The following LPL variants were observed in gnomAD, a reference collection of about 807,000 sequenced individuals.
LPL encodes the protein lipoprotein lipase.
A neutral mutation model predicts 52.2 loss-of-function variants in LPL; 43 were observed. That is an observed-to-expected ratio of 0.82 (90% confidence interval 0.64 to 1.06). LPL has a LOEUF of 1.06. Among genes scored for constraint, LPL ranks in the 50% least tolerant of loss-of-function variants. The probability of loss-of-function intolerance (pLI) is 0.00; values close to 1 mark genes in which losing one functional copy is unlikely to be tolerated. For synonymous variants in LPL, 244 were observed against 215.6 expected (o/e 1.13, Z -1.15); for missense variants, 639 against 585.3 (o/e 1.09, Z -0.95).
At chr8:19,963,621 C>T (rs1307281682) in intron 9 of LPL, among the ~76,000 whole-genome samples, 1 of 151,914 alleles carries the variant, frequency 6.6e-6, no homozygotes, top group Non-Finnish European at 1.5e-5. Flanking sequence ...CCCCAATTAA[C>T]GTTTTTATTT....
intron 4 of LPL, 87 bp downstream of exon 4, chr8:19,953,508 C>G: frequency 1.1e-6 from 1 of 930,220 alleles, no homozygotes; most frequent in East Asian, 2.5e-5. Flanking sequence ...TGTTAAATAC[C>G]CACATGTGTG....
At chr8:19,962,245 T>C (rs1363198842) in intron 9 of LPL, 26 bp downstream of exon 9, 1 of 1,577,570 alleles carries the variant, frequency 6.3e-7, no homozygotes, top group Admixed American at 1.7e-5. Flanking sequence ...TAAAGCTGAC[T>C]GGGCATCCTG....
rs781159405 is a variant in LPL, at chr8:19,951,824, G to A, written c.305G>A (p.Arg102Lys). 4 of 1,614,170 alleles carry A rather than the reference G, an allele frequency of 2.5e-6. No homozygotes were observed. The South Asian group carries it at 4.4e-5, about 18-fold the overall frequency. ...AAACTTGTGGCCGCCCTGTACAAGA[G>A]AGAACCAGACTCCAATGTCATTGTG... Reference protein sequence around the residue: ...VPKLVAALYKREPDSNVIVVD... With the variant: ...VPKLVAALYKKEPDSNVIVVD... Residue 102 changes from arginine to lysine, a missense_variant, in exon 3 of 10, where the codon AGA (arginine) becomes AAA (lysine). Arg to Lys is a conservative substitution (Grantham distance 26, BLOSUM62 2). Coordinates refer to ENST00000650287, the MANE Select transcript of LPL (RefSeq NM_000237.3).
chr8:19,949,469 G>A (rs979024361), intron 2 of LPL, among the ~76,000 whole-genome samples: 24 of 152,120 alleles, frequency 1.6e-4, no homozygotes, highest in African/African-American at 5.1e-4. Context: ...TTTAATAGGT[G>A]TAAGTAGGAA....
At position 19,954,345 on chromosome 8, in the gene LPL, G is replaced by A. The variant is rs2069964134; in HGVS notation, c.767G>A (p.Gly256Glu). The A allele has an allele frequency of 6.2e-6, 10 of 1,613,366 alleles. No homozygotes were observed. The highest frequency in any genetic ancestry group is 8.5e-6 in the Non-Finnish European group (10 of 1,179,290). The change falls in exon 5 of 10, where the codon GGA becomes GAA. Residue 256 changes from glycine (G) to glutamate (E), a missense_variant. Physicochemically the swap from Gly to Glu is moderately conservative, Grantham distance 98 (BLOSUM62 -2). Coordinates refer to ENST00000650287, the MANE Select transcript of LPL (RefSeq NM_000237.3). The stretch of plus-strand genomic sequence containing the variant: ...GCTATCCGCGTGATTGCAGAGAGAG[G>A]ACTTGGAGGTAAATATTATTTAGAA... ...GEAIRVIAER[G>E]LGDVDQLVKC...
intron 6 of LPL, among the ~76,000 whole-genome samples, chr8:19,957,534 C>T (rs1016628622): frequency 2.6e-5 from 4 of 152,152 alleles, no homozygotes; most frequent in African/African-American, 9.7e-5. Flanking sequence ...TTCACTCATC[C>T]CTGCCTCCTG....
In LPL at chr8:19,951,907, C is replaced by A. The variant is rs777624170; in HGVS notation, c.388C>A (p.Leu130Met). The stretch of plus-strand genomic sequence containing the variant: ...CCCAGTGTCCGCGGGCTACACCAAA[C>A]TGGTGGGACAGGATGTGGCCCGGTT... ...HYPVSAGYTK[L>M]VGQDVARFIN... The change falls in exon 3 of 10, where the codon CTG becomes ATG. Residue 130 changes from leucine to methionine, a missense_variant. Coordinates refer to ENST00000650287, the MANE Select transcript of LPL (RefSeq NM_000237.3). 1 of 1,614,026 alleles carries A rather than the reference C, an allele frequency of 6.2e-7. No homozygotes were observed. Among genetic ancestry groups the A allele is most frequent in the East Asian group, 2.2e-5 (1 of 44,894 alleles).
intron 9 of LPL, among the ~76,000 whole-genome samples, chr8:19,963,782 G>A (rs778920632): frequency 6.6e-6 from 1 of 152,108 alleles, no homozygotes; most frequent in African/African-American, 2.4e-5. Context: ...ACTCAAAATG[G>A]AGAATAGTTA....
At chr8:19,953,552 T>C (rs2069953962) in intron 4 of LPL, 131 bp downstream of exon 4, 5 of 697,902 alleles carry the variant, frequency 7.2e-6, no homozygotes, top group South Asian at 6.0e-5. Context: ...AGCACTTGAT[T>C]ATCTCATTGT....
At chr8:19,960,779 T>C in intron 7 of LPL, 122 bp from the exon 8 acceptor site, 1 of 718,204 alleles carries the variant, frequency 1.4e-6, no homozygotes, top group Non-Finnish European at 2.4e-6. Flanking sequence ...TGGACATTTT[T>C]GTGCATTTTT....
In LPL at chr8:19,944,550, A is replaced by G. The variant is rs1027236037; in HGVS notation, c.89-3630A>G. 1.3e-5 allele frequency among the ~76,000 whole-genome samples: 2 copies of G among 152,064 alleles called. No individual in the cohort carries two copies. The highest frequency in any genetic ancestry group is 2.9e-5 in the Non-Finnish European group (2 of 68,014). On this transcript the variant is annotated intron_variant, in intron 1 of 9. Coordinates refer to ENST00000650287, the MANE Select transcript of LPL (RefSeq NM_000237.3). The surrounding 1 kb of genome is among the most constrained non-coding windows in gnomAD (Gnocchi z 4.2). ...TCTTGTACCTCATGTCATTGCATAA[A>G]TGTTCATCTTACTCACGTGATGACT...
intron 5 of LPL, among the ~76,000 whole-genome samples, chr8:19,955,348 A>C (rs2069974667): frequency 1.3e-5 from 2 of 152,188 alleles, no homozygotes; most frequent in Admixed American, 1.3e-4. Context: ...ACACCATTTT[A>C]AGTTGAGAAG....
intron 9 of LPL, among the ~76,000 whole-genome samples, chr8:19,963,377 A>G (rs1285229001): frequency 6.6e-6 from 1 of 151,540 alleles, no homozygotes; most frequent in Non-Finnish European, 1.5e-5. Flanking sequence ...CAGAGGTTGC[A>G]GTGAGATGAG....
At position 19,946,582 on chromosome 8, in the gene LPL, A is replaced by T. The variant is rs569905779; in HGVS notation, c.89-1598A>T. 2.8e-4 allele frequency: 86 copies of T among 308,792 alleles called. 1 individual carries two copies. Among genetic ancestry groups the T allele is most frequent in the African/African-American group, 1.9e-3 (85 of 44,188 alleles). The allele number at this position is 308,792 out of a possible 1,614,324, so 19.1% of individuals were successfully genotyped here. On this transcript the variant is annotated intron_variant, in intron 1 of 9. Transcript: ENST00000650287. Reference sequence around the variant, plus strand: ...AGATTTTTAAATTTTGAGTTGAAAAAAAAGAGCAAATTTAGATTAAGGAAT... The same window carrying T: ...AGATTTTTAAATTTTGAGTTGAAAATAAAGAGCAAATTTAGATTAAGGAAT...
chr8:19,959,777 CTTTTTTTTTTTTTTTTTTTTT>C (rs71205952), intron 7 of LPL, among the ~76,000 whole-genome samples: 3 of 65,098 alleles, frequency 4.6e-5, no homozygotes, highest in South Asian at 5.5e-4. Flanking sequence ...AGTGTTAGCT[CTTTTTTTTTTTTTTTTTTTTT>C]TTTTTTTTGA....
chr8:19,958,272 A>C lies in LPL; in HGVS notation c.1019-988A>C, dbSNP rs534976766. On this transcript the variant is annotated intron_variant, in intron 6 of 9. Coordinates refer to ENST00000650287, the MANE Select transcript of LPL (RefSeq NM_000237.3). ...CCTGACCTCAGGTGATTCACCCACC[A>C]AGGCCTCCCAAAGTGCTGGGATTAC... 3.0e-4 allele frequency among the ~76,000 whole-genome samples: 46 copies of C among 152,076 alleles called. 1 individual carries two copies. The East Asian group carries it at 8.3e-3, about 28-fold the overall frequency.
At chr8:19,948,709 A>G (rs1169359858) in intron 2 of LPL, among the ~76,000 whole-genome samples, 1 of 152,156 alleles carries the variant, frequency 6.6e-6, no homozygotes, top group East Asian at 1.9e-4. Flanking sequence ...GAACCTTTCT[A>G]AAGAAGACAG....
rs2070034186 is a variant in LPL, at chr8:19,961,068, G to C, written c.1307G>C (p.Gly436Ala). ...FAIQKIRVKA[G>A]ETQKKVIFCS... The stretch of plus-strand genomic sequence containing the variant: ...ATTCAGAAGATCAGAGTAAAAGCAG[G>C]AGAGACTCAGAAAAAGTAATTAAAT... Residue 436 changes from glycine (G) to alanine (A), a missense_variant, in exon 8 of 10, where the codon GGA becomes GCA. Physicochemically the swap from Gly to Ala is moderately conservative, Grantham distance 60. Coordinates refer to ENST00000650287, the MANE Select transcript of LPL (RefSeq NM_000237.3). 6.2e-7 allele frequency: 1 copy of C among 1,614,018 alleles called. No homozygotes were observed. Among genetic ancestry groups the C allele is most frequent in the Non-Finnish European group, 8.5e-7 (1 of 1,180,022 alleles).
Position 19,939,917 on chromosome 8 carries a change from G to C in LPL, c.88+389G>C, listed in dbSNP as rs1455949730. ...CCTGCAGTCACCTCTCTGCCGGAGG[G>C]GCCCTGGAATGAAAGGCGCGCGGGC... is the stretch of plus-strand genomic sequence containing the variant. On this transcript the variant is annotated intron_variant, in intron 1 of 9. Coordinates refer to ENST00000650287, the MANE Select transcript of LPL (RefSeq NM_000237.3). This position sits in a 1 kb window ranked among gnomAD's most constrained non-coding sequence, Gnocchi z 4.0. 6.6e-6 allele frequency among the ~76,000 whole-genome samples: 1 copy of C among 152,176 alleles called. No individual in the cohort carries two copies. The highest frequency in any genetic ancestry group is 1.5e-5 in the Non-Finnish European group (1 of 68,022).
Sources: gnomAD v4.1 joint callset for allele counts (sites outside exome capture counted in the v4.1 genomes callset) on GRCh38, gnomAD v4.1.1 for gene constraint, Gnocchi (gnomAD v3.1) non-coding constraint, MANE v1.5 for transcripts, NCBI Gene and HGNC (gene_info 2026-07-23, HGNC 2026-07-21) for gene names.